PSMA8: variants seen among roughly 807,000 people sequenced by gnomAD.
PSMA8 encodes the protein proteasome 20S subunit alpha 8, also known as proteasome subunit alpha-type 8.
A neutral mutation model predicts 32.4 loss-of-function variants in PSMA8; 18 were observed. That is an observed-to-expected ratio of 0.56 (90% confidence interval 0.38 to 0.82). PSMA8 has a LOEUF of 0.82. PSMA8 is among the 40% of genes least tolerant of loss of function. The probability of loss-of-function intolerance (pLI) is 0.00; values close to 1 mark genes in which losing one functional copy is unlikely to be tolerated. For missense variants in PSMA8, 298 were observed against 300.7 expected (o/e 0.99, Z 0.07); for synonymous variants, 104 against 98.1 (o/e 1.06, Z -0.36).
chr18:26,166,889 A>C (rs569470435), intron 4 of PSMA8, among the ~76,000 whole-genome samples: 5 of 152,224 alleles, frequency 3.3e-5, no homozygotes, highest in Admixed American at 6.5e-5. Context: ...TGAGCCTGAC[A>C]GTTTCTTTGC....
At chr18:26,173,335 A>G (rs926653939) in intron 4 of PSMA8, among the ~76,000 whole-genome samples, 6 of 152,072 alleles carry the variant, frequency 3.9e-5, no homozygotes, top group Non-Finnish European at 7.4e-5. Context: ...AGCTTGCATG[A>G]TATCTGCATG....
At chr18:26,136,948 A>C (rs1022843299) in intron 1 of PSMA8, among the ~76,000 whole-genome samples, 2 of 152,208 alleles carry the variant, frequency 1.3e-5, no homozygotes, top group African/African-American at 4.8e-5. Context: ...TAGCTTGCTG[A>C]AAGTACCCAG....
intron 3 of PSMA8, among the ~76,000 whole-genome samples, chr18:26,155,268 A>G (rs548784599): frequency 3.7e-4 from 57 of 152,224 alleles, no homozygotes; most frequent in African/African-American, 1.3e-3. Flanking sequence ...GAAATAAAAT[A>G]AAAGAGTCTT....
At chr18:26,165,862 G>A (rs944267123) in intron 4 of PSMA8, among the ~76,000 whole-genome samples, 3 of 152,068 alleles carry the variant, frequency 2.0e-5, no homozygotes, top group Admixed American at 1.3e-4. Flanking sequence ...TTGGGAGGCC[G>A]AGGCAGGTGG....
intron 1 of PSMA8, among the ~76,000 whole-genome samples, chr18:26,139,385 G>C (rs1487883134): frequency 6.6e-6 from 1 of 152,180 alleles, no homozygotes; most frequent in Non-Finnish European, 1.5e-5. Flanking sequence ...TCCTTCCCCA[G>C]TTGAGCCTAG....
intron 2 of PSMA8, among the ~76,000 whole-genome samples, chr18:26,147,307 T>G (rs545836624): frequency 1.3e-5 from 2 of 150,104 alleles, no homozygotes; most frequent in South Asian, 4.2e-4. Flanking sequence ...AAGGAAGACG[T>G]GAAAATCCAC....
In PSMA8 at chr18:26,171,350, G is replaced by A. The variant is rs1376521652; in HGVS notation, c.478-7480G>A. 36 of 1,393,926 alleles carry A rather than the reference G, an allele frequency of 2.6e-5. 3 individuals carry two copies. The highest frequency in any genetic ancestry group is 5.2e-5 in the East Asian group (2 of 38,642). 86.3% of individuals were successfully genotyped at this position (1,393,926 alleles called of 1,614,324 possible). On this transcript the variant is annotated intron_variant, in intron 4 of 6. Coordinates refer to ENST00000415576, the MANE Select transcript of PSMA8 (RefSeq NM_001025096.2). ...CAGAACGCGCGGTCAAGTTTGGCGC[G>A]AAATTGTCGGTATTTTGTTATGACA...
At chr18:26,165,993 T>C (rs1339353548) in intron 4 of PSMA8, among the ~76,000 whole-genome samples, 1 of 152,008 alleles carries the variant, frequency 6.6e-6, no homozygotes, top group African/African-American at 2.4e-5. Context: ...TCCCAGCTAC[T>C]TGGGAGGCTG....
intron 6 of PSMA8, among the ~76,000 whole-genome samples, chr18:26,191,381 C>T (rs1256509183): frequency 1.3e-5 from 2 of 152,080 alleles, no homozygotes; most frequent in South Asian, 2.1e-4. Context: ...GTAATCCCAG[C>T]ACTTTGGGAG....
intron 3 of PSMA8, among the ~76,000 whole-genome samples, chr18:26,157,437 T>G (rs903105854): frequency 5.9e-5 from 9 of 151,908 alleles, no homozygotes; most frequent in Non-Finnish European, 1.3e-4. Context: ...CAGGAATGCT[T>G]CTTTGCACGA....
At chr18:26,190,170 G>T (rs1040688161) in intron 6 of PSMA8, among the ~76,000 whole-genome samples, 1 of 152,048 alleles carries the variant, frequency 6.6e-6, no homozygotes, top group African/African-American at 2.4e-5. Context: ...GCAGGGGCAG[G>T]TGGGGATGGT....
chr18:26,178,514 A>G (rs1030009381), intron 4 of PSMA8, among the ~76,000 whole-genome samples: 1 of 152,058 alleles, frequency 6.6e-6, no homozygotes, highest in Non-Finnish European at 1.5e-5. Context: ...TGGGAAAATC[A>G]CTTAAGCCCA....
At chr18:26,134,340 G>GTGTGTGTGTGTGT (rs2054891597) in intron 1 of PSMA8, among the ~76,000 whole-genome samples, 36 of 135,200 alleles carry the variant, frequency 2.7e-4, no homozygotes, top group African/African-American at 1.2e-3. Flanking sequence ...TGTGTGTGTG[G>GTGTGTGTGTGTGT]GTGTGTGTGT....
At position 26,133,906 on chromosome 18, in the gene PSMA8, C is replaced by G; in HGVS notation, c.-60C>G. 3 of 1,462,086 alleles carry G rather than the reference C, an allele frequency of 2.1e-6. No individual in the cohort carries two copies. The highest frequency in any genetic ancestry group is 2.9e-6 in the Non-Finnish European group (3 of 1,046,088). The allele number at this position is 1,462,086 out of a possible 1,614,324, so 90.6% of individuals were successfully genotyped here. On this transcript the variant is annotated 5_prime_UTR_variant, in exon 1 of 7. Coordinates refer to ENST00000415576, the MANE Select transcript of PSMA8 (RefSeq NM_001025096.2). ...TAGCACGCTGTGTTGGCGGCGGCTCCCCGCTTGCCTCAGCTGCAGCAGCGG... is the reference window on the plus strand; with the variant it reads ...TAGCACGCTGTGTTGGCGGCGGCTCGCCGCTTGCCTCAGCTGCAGCAGCGG...
rs748846416 is a variant in PSMA8, at chr18:26,192,408, C to T, written c.750C>T (p.Val250=). 6.5e-7 allele frequency: 1 copy of T among 1,527,904 alleles called. No homozygotes were observed. The highest frequency in any genetic ancestry group is 8.7e-7 in the Non-Finnish European group (1 of 1,150,182). The allele number at this position is 1,527,904 out of a possible 1,614,324, so 94.6% of individuals were successfully genotyped here. The change falls in exon 7 of 7, where the codon GTC becomes GTT. Residue 250 remains valine (V), a synonymous_variant. Coordinates refer to ENST00000415576, the MANE Select transcript of PSMA8 (RefSeq NM_001025096.2). The part of the protein sequence containing the change: ...EAEKKKSKKS[V] ...AGAAGAAAAAATCAAAGAAATCTGT[C>T]TAATTCTTAGGATGACCACTGGGAG...
chr18:26,192,344 T>C lies in PSMA8; in HGVS notation c.686T>C (p.Leu229Ser). Reference sequence around the variant, plus strand: ...ATGTTTAGTGCAAAAGAAGTTGAATTATATGTAACTGAAATAGAAAAGGAA... The same window carrying C: ...ATGTTTAGTGCAAAAGAAGTTGAATCATATGTAACTGAAATAGAAAAGGAA... ...LKMFSAKEVELYVTEIEKEKE... is the reference protein window; with the variant it reads ...LKMFSAKEVESYVTEIEKEKE... The change falls in exon 7 of 7, where the codon TTA (leucine) becomes TCA (serine). Residue 229 changes from leucine to serine, a missense_variant. Leu to Ser is a moderately radical substitution (Grantham distance 145). Coordinates refer to ENST00000415576, the MANE Select transcript of PSMA8 (RefSeq NM_001025096.2). 6.6e-7 allele frequency: 1 copy of C among 1,516,654 alleles called. No individual in the cohort carries two copies. The highest frequency in any genetic ancestry group is 2.7e-5 in the Admixed American group (1 of 37,332). The allele number at this position is 1,516,654 out of a possible 1,614,324, so 93.9% of individuals were successfully genotyped here. A position where few individuals can be genotyped will look rare whatever the true frequency, so the allele number is the denominator to read the frequency against.
At chr18:26,136,861 T>A (rs2054915414) in intron 1 of PSMA8, among the ~76,000 whole-genome samples, 1 of 152,232 alleles carries the variant, frequency 6.6e-6, no homozygotes, top group South Asian at 2.1e-4. Flanking sequence ...CCAGGCATTT[T>A]GTGTATATTA....
intron 1 of PSMA8, among the ~76,000 whole-genome samples, chr18:26,140,349 G>A (rs374662023): frequency 3.6e-4 from 55 of 152,336 alleles, no homozygotes; most frequent in African/African-American, 1.2e-3. Context: ...CCATGGAAAA[G>A]TCAGATACCC....
chr18:26,143,453 A>C (rs1184789738), intron 1 of PSMA8, among the ~76,000 whole-genome samples: 1 of 152,208 alleles, frequency 6.6e-6, no homozygotes, highest in African/African-American at 2.4e-5. Flanking sequence ...GGATAGGCAG[A>C]TTGGAAAATG....
Sources: allele counts gnomAD v4.1 joint callset (sites outside exome capture counted in the v4.1 genomes callset), GRCh38; gene constraint gnomAD v4.1.1; transcripts MANE v1.5; gene names NCBI Gene and HGNC (gene_info 2026-07-23, HGNC 2026-07-21).